BST1: variants seen among roughly 807,000 people sequenced by gnomAD.
The protein encoded by BST1 is ADP-ribosyl cyclase/cyclic ADP-ribose hydrolase 2.
Under a neutral mutation model 40.6 loss-of-function variants are expected in BST1, and 49 were observed. The observed-to-expected ratio is 1.21, with a 90% confidence interval of 0.96 to 1.53. The LOEUF is 1.53. BST1 is among the 40% of genes most tolerant of loss of function. BST1 has a pLI of 0.00. For missense variants in BST1, 423 were observed against 395.9 expected (o/e 1.07, Z -0.58); for synonymous variants, 157 against 159.3 (o/e 0.99, Z 0.11).
At chr4:15,710,080 C>T (rs990719936) in intron 3 of BST1, among the ~76,000 whole-genome samples, 2 of 152,088 alleles carry the variant, frequency 1.3e-5, no homozygotes, top group Non-Finnish European at 2.9e-5. Flanking sequence ...TCAAGCGATC[C>T]TCTTGCCTCA....
At chr4:15,772,708 G>C in the BST1 span, among the ~76,000 whole-genome samples, 1 of 152,238 alleles carries the variant, frequency 6.6e-6, no homozygotes, top group African/African-American at 2.4e-5. Flanking sequence ...CTTGGGAGCT[G>C]AGTGGGGTTA....
intron 8 of BST1, chr4:15,723,477 T>A: frequency 1.2e-6 from 1 of 803,754 alleles, no homozygotes; most frequent in Non-Finnish European, 1.5e-6. Context: ...CTCGATCTCC[T>A]GGCCTTGTGA....
intron 1 of BST1, chr4:15,705,102 A>C (rs1456655983): frequency 3.0e-6 from 2 of 663,390 alleles, no homozygotes; most frequent in African/African-American, 1.8e-5. Context: ...CTCCCTCCTA[A>C]CACTACACAT....
At chr4:15,735,773 G>C (rs551249696), downstream of BST1, among the ~76,000 whole-genome samples, 1 of 152,304 alleles carries the variant, frequency 6.6e-6, no homozygotes, top group East Asian at 1.9e-4. Context: ...CCTTCATGTT[G>C]CCTGGGTTAC....
At chr4:15,769,192 G>A in the BST1 span, among the ~76,000 whole-genome samples, 321 of 152,328 alleles carry the variant, frequency 2.1e-3, no homozygotes, top group Non-Finnish European at 3.6e-3. Context: ...GGTTTTAGCC[G>A]GTGAATCCGA....
chr4:15,728,378 T>C lies in BST1; in HGVS notation c.852-3362T>C, dbSNP rs1721216302. Among the ~76,000 whole-genome samples, 6 of 152,176 alleles carry C rather than the reference T, an allele frequency of 3.9e-5. No individual in the cohort carries two copies. The South Asian group carries it at 1.2e-3, about 32-fold the overall frequency. ...TGGCAATATTTTAGAGAATGTAGCA[T>C]ATAAGAACAGCTGTTGGATTAAACC... On this transcript the variant is annotated intron_variant, in intron 8 of 8. Coordinates refer to ENST00000265016, the MANE Select transcript of BST1 (RefSeq NM_004334.3).
intron 3 of BST1, among the ~76,000 whole-genome samples, chr4:15,711,199 A>C (rs1000809838): frequency 3.3e-5 from 5 of 152,288 alleles, no homozygotes; most frequent in Non-Finnish European, 5.9e-5. Context: ...CAACTTGTAG[A>C]TTAGAAATTT....
intron 8 of BST1, among the ~76,000 whole-genome samples, chr4:15,726,568 A>C (rs1235068799): frequency 3.9e-5 from 6 of 152,236 alleles, no homozygotes; most frequent in Non-Finnish European, 8.8e-5. Flanking sequence ...AAGTTGTTGC[A>C]AAGATTAGTG....
downstream of BST1, among the ~76,000 whole-genome samples, chr4:15,741,395 G>A (rs929270889): frequency 2.6e-5 from 4 of 152,164 alleles, no homozygotes; most frequent in African/African-American, 9.7e-5. Flanking sequence ...GGTAGGAAGA[G>A]GAAAGCTGAG....
At chr4:15,717,119 T>C (rs1720559174) in intron 6 of BST1, among the ~76,000 whole-genome samples, 1 of 152,170 alleles carries the variant, frequency 6.6e-6, no homozygotes, top group African/African-American at 2.4e-5. Context: ...TATCTCTGTG[T>C]CCAGGTGTCC....
chr4:15,713,123 G>A (rs909121301), intron 4 of BST1, among the ~76,000 whole-genome samples: 14 of 151,952 alleles, frequency 9.2e-5, no homozygotes, highest in Admixed American at 8.5e-4. Flanking sequence ...GAGGTAGTGT[G>A]GTATAGTGAT....
chr4:15,764,158 G>A, the BST1 span, among the ~76,000 whole-genome samples: 2 of 151,954 alleles, frequency 1.3e-5, no homozygotes, highest in African/African-American at 2.4e-5. Context: ...AGGGAGAAGG[G>A]AGAATAGGAG....
chr4:15,718,772 A>T, intron 6 of BST1, 135 bp from the exon 7 acceptor site: 1 of 698,520 alleles, frequency 1.4e-6, no homozygotes, highest in Non-Finnish European at 2.3e-6. Flanking sequence ...TTTAAACCAG[A>T]GACATTCCAG....
At chr4:15,731,540 C>A in intron 8 of BST1, 200 bp from the exon 9 acceptor site, 1 of 1,038,488 alleles carries the variant, frequency 9.6e-7, no homozygotes, top group Admixed American at 1.8e-5. Context: ...TCCACCATCT[C>A]CAGAAACTTG....
At chr4:15,722,971 A>G (rs1372983319) in intron 8 of BST1, 37 bp downstream of exon 8, 3 of 1,586,618 alleles carry the variant, frequency 1.9e-6, no homozygotes, top group Admixed American at 1.7e-5. Context: ...TTCTTTCCAA[A>G]GATAACCATC....
chr4:15,721,388 A>G (rs1720800068), intron 7 of BST1, among the ~76,000 whole-genome samples: 1 of 152,174 alleles, frequency 6.6e-6, no homozygotes, highest in African/African-American at 2.4e-5. Context: ...TGAAAACTCC[A>G]TACCTGTTTT....
At chr4:15,749,678 T>C in the BST1 span, among the ~76,000 whole-genome samples, 1 of 146,016 alleles carries the variant, frequency 6.8e-6, no homozygotes. Context: ...AGAGTACTTT[T>C]TATTATTTGA....
At chr4:15,731,217 C>A in intron 8 of BST1, 1 of 454,630 alleles carries the variant, frequency 2.2e-6, no homozygotes. Context: ...TGTGTGTGAG[C>A]AGGGAGGGGC....
intron 2 of BST1, among the ~76,000 whole-genome samples, chr4:15,706,529 A>G (rs1040835663): frequency 1.9e-4 from 29 of 152,260 alleles, no homozygotes; most frequent in African/African-American, 6.3e-4. Flanking sequence ...GAAAATAATG[A>G]GAAAATTTCC....
Sources: gnomAD v4.1 joint callset for allele counts (sites outside exome capture counted in the v4.1 genomes callset) on GRCh38, gnomAD v4.1.1 for gene constraint, MANE v1.5 for transcripts, NCBI Gene and HGNC (gene_info 2026-07-23, HGNC 2026-07-21) for gene names.